The following LEO1 variants were observed in gnomAD, a reference collection of about 807,000 sequenced individuals.
LEO1 encodes the protein LEO1 component of Paf1/RNA polymerase II complex, also known as RNA polymerase-associated protein LEO1.
LEO1 carries 34 observed loss-of-function variants against 80.4 expected under a neutral mutation model. The observed-to-expected ratio is 0.42, with a 90% CI of 0.32 to 0.56. The LOEUF (loss-of-function observed/expected upper bound fraction) is 0.56, where lower values mean the gene tolerates loss of function less well. Ranked by LOEUF, LEO1 falls within the 20% of genes least tolerant of loss-of-function variation. The pLI, the probability that LEO1 is intolerant of heterozygous loss-of-function variation, is 0.10. For synonymous variants in LEO1, 262 were observed against 274.9 expected, an observed-to-expected ratio of 0.95 and a Z score of 0.46; for missense variants, 631 against 814.2, an observed-to-expected ratio of 0.77 and a Z score of 2.74.
chr15:51,938,274 AT>A lies in LEO1; in HGVS notation c.1897-15del. ...AGGTTCACCTTCCTAAACAGATACAATTTTTACAAATCTACAAGTCAATAAA... is the reference window on the plus strand; with the variant it reads ...AGGTTCACCTTCCTAAACAGATACAATTTTACAAATCTACAAGTCAATAAA... On this transcript the variant is annotated splice_polypyrimidine_tract_variant and intron_variant, in intron 11 of 11. Transcript: ENST00000299601. 1 of 1,444,384 alleles carries A rather than the reference AT, an allele frequency of 6.9e-7. No individual in the cohort carries two copies. The highest frequency in any genetic ancestry group is 9.6e-7 in the Non-Finnish European group (1 of 1,042,848). The allele number at this position is 1,444,384 out of a possible 1,614,324, so 89.5% of individuals were successfully genotyped here. A position where few individuals can be genotyped will look rare whatever the true frequency, so the allele number is the denominator to read the frequency against.
chr15:51,949,996 T>C lies in LEO1; in HGVS notation c.1612-2A>G. 6.2e-7 allele frequency: 1 copy of C among 1,608,236 alleles called. No individual in the cohort carries two copies. Reference sequence around the variant, plus strand: ...AGCCCTCAAACGTTCTTCTTCTTTCTGTAAAGAAGCAAATAACCTCTTTAA... The same window carrying C: ...AGCCCTCAAACGTTCTTCTTCTTTCCGTAAAGAAGCAAATAACCTCTTTAA... On this transcript the variant is annotated splice_acceptor_variant, in intron 9 of 11. Coordinates refer to ENST00000299601, the MANE Select transcript of LEO1 (RefSeq NM_138792.4). LOFTEE classifies it high-confidence loss of function.
Position 51,949,798 on chromosome 15 carries a change from C to T in LEO1, c.1798+10G>A, listed in dbSNP as rs1302660062. On this transcript the variant is annotated intron_variant, in intron 10 of 11. Transcript: ENST00000299601. ...GAAATGATGAAATGTAATTTCCATACACGACTCACCTCGAATGCCCCCTTT... is the reference window on the plus strand; with the variant it reads ...GAAATGATGAAATGTAATTTCCATATACGACTCACCTCGAATGCCCCCTTT... 2.5e-6 allele frequency: 4 copies of T among 1,609,326 alleles called. No individual in the cohort carries two copies. Among genetic ancestry groups the T allele is most frequent in the Non-Finnish European group, 3.4e-6 (4 of 1,177,538 alleles).
chr15:51,952,690 C>T (rs749325318), intron 8 of LEO1, among the ~76,000 whole-genome samples: 8 of 152,108 alleles, frequency 5.3e-5, no homozygotes, highest in African/African-American at 7.2e-5. Flanking sequence ...TATTAGATGC[C>T]GGGGCCTACG....
At chr15:51,946,560 CTT>C (rs879299783) in intron 11 of LEO1, among the ~76,000 whole-genome samples, 9 of 144,840 alleles carry the variant, frequency 6.2e-5, no homozygotes, top group African/African-American at 5.0e-5. Flanking sequence ...AAATCATTTT[CTT>C]TTTTTTTTTT....
intron 4 of LEO1, 63 bp downstream of exon 4, chr15:51,960,576 G>C (rs1342462461): frequency 1.0e-5 from 9 of 873,562 alleles, no homozygotes; most frequent in Admixed American, 1.8e-5. Flanking sequence ...GAATAAGGGA[G>C]ACTCTTCACC....
At chr15:51,946,799 C>T (rs2056905512) in intron 11 of LEO1, among the ~76,000 whole-genome samples, 1 of 152,064 alleles carries the variant, frequency 6.6e-6, no homozygotes, top group South Asian at 2.1e-4. Context: ...GCCTAGCCCT[C>T]CCAGAATACT....
At position 51,971,537 on chromosome 15, in the gene LEO1, G is replaced by A. The variant is rs567930037; in HGVS notation, c.58+151C>T. On this transcript the variant is annotated intron_variant, in intron 1 of 11. Coordinates refer to ENST00000299601, the MANE Select transcript of LEO1 (RefSeq NM_138792.4). ...TGACTCTCCATCCTGCCCGCCGGAG[G>A]AGGATGGCACCTCCGGGAGTGCAGG... 46 of 727,762 alleles carry A rather than the reference G, an allele frequency of 6.3e-5. No homozygotes were observed. The African/African-American group carries it at 7.1e-4, about 11-fold the overall frequency. The allele number at this position is 727,762 out of a possible 1,614,324, so 45.1% of individuals were successfully genotyped here. A position where few individuals can be genotyped will look rare whatever the true frequency, so the allele number is the denominator to read the frequency against.
chr15:51,967,867 A>G (rs2057090515), intron 1 of LEO1, among the ~76,000 whole-genome samples: 1 of 152,190 alleles, frequency 6.6e-6, no homozygotes, highest in African/African-American at 2.4e-5. Flanking sequence ...AAAATGAAAA[A>G]CTTTTGTGCA....
Position 51,962,380 on chromosome 15 carries a change from T to A in LEO1, c.919+9A>T. ...GGAAATATACATATATATATAATAATAGGGATACCTTTTGGCACCTCAGTG... is the reference window on the plus strand; with the variant it reads ...GGAAATATACATATATATATAATAAAAGGGATACCTTTTGGCACCTCAGTG... On this transcript the variant is annotated intron_variant, in intron 3 of 11. Coordinates refer to ENST00000299601, the MANE Select transcript of LEO1 (RefSeq NM_138792.4). 9 of 1,539,412 alleles carry A rather than the reference T, an allele frequency of 5.8e-6. No individual in the cohort carries two copies. Among genetic ancestry groups the A allele is most frequent in the Non-Finnish European group, 6.3e-6 (7 of 1,115,694 alleles).
At position 51,938,139 on chromosome 15, in the gene LEO1, T is replaced by C. The variant is rs751629805; in HGVS notation, c.*17A>G. On this transcript the variant is annotated 3_prime_UTR_variant, in exon 12 of 12. Coordinates refer to ENST00000299601, the MANE Select transcript of LEO1 (RefSeq NM_138792.4). ...ACTGTACAATAAAATATATAAAATG[T>C]TTTCATATTTCATACTTCAATCATC... The C allele has an allele frequency of 1.5e-5, 19 of 1,303,092 alleles. No homozygotes were observed. In the East Asian group the frequency reaches 4.2e-4, roughly 29 times the overall value. The allele number at this position is 1,303,092 out of a possible 1,614,324, so 80.7% of individuals were successfully genotyped here.
intron 10 of LEO1, among the ~76,000 whole-genome samples, chr15:51,947,948 G>A (rs1357357656): frequency 6.6e-6 from 1 of 152,154 alleles, no homozygotes; most frequent in Non-Finnish European, 1.5e-5. Flanking sequence ...TTGTGTGCAA[G>A]GTGTCTAAAG....
At chr15:51,953,545 G>A (rs1234932958) in intron 7 of LEO1, among the ~76,000 whole-genome samples, 4 of 152,064 alleles carry the variant, frequency 2.6e-5, no homozygotes, top group East Asian at 1.9e-4. Context: ...GCTTGAACCC[G>A]GGAAGTGGAG....
In LEO1 at chr15:51,947,318, T is replaced by C; in HGVS notation, c.1870A>G (p.Lys624Glu). The stretch of plus-strand genomic sequence containing the variant: ...TCATCACTGGTAAGTTTCTTTGCTT[T>C]GAGTAATCTTTGAGCTTTATCTTCT... Reference protein sequence around the residue: ...SEEDKAQRLLKAKKLTSDEEG... With the variant: ...SEEDKAQRLLEAKKLTSDEEG... The change falls in exon 11 of 12, where the codon AAA becomes GAA. Residue 624 changes from lysine to glutamate, a missense_variant. By Grantham distance (56) the Lys-to-Glu change is moderately conservative (BLOSUM62 1). Around this residue, in one of 4 missense-constraint regions of LEO1, gnomAD observed 117 missense variants for 163.5 expected, o/e 0.72. Coordinates refer to ENST00000299601, the MANE Select transcript of LEO1 (RefSeq NM_138792.4). The C allele has an allele frequency of 6.2e-7, 1 of 1,613,530 alleles. No individual in the cohort carries two copies. The highest frequency in any genetic ancestry group is 8.5e-7 in the Non-Finnish European group (1 of 1,179,422).
intron 1 of LEO1, among the ~76,000 whole-genome samples, chr15:51,969,736 G>A (rs1232422419): frequency 2.0e-5 from 3 of 151,696 alleles, no homozygotes; most frequent in Non-Finnish European, 4.4e-5. Flanking sequence ...CAGCTACTCG[G>A]GAGGTTAAGG....
intron 6 of LEO1, among the ~76,000 whole-genome samples, chr15:51,956,616 G>A (rs980099516): frequency 2.6e-5 from 4 of 152,092 alleles, no homozygotes; most frequent in African/African-American, 9.7e-5. Context: ...AGGTACATAA[G>A]CTGTACCTGG....
rs555825220 is a variant in LEO1 at position 51,971,505 on chromosome 15, G to A, written c.58+183C>T. ...CCGACACCCAGAGCCTCGAGGCGCA[G>A]ACTGTCTGACTCTCCATCCTGCCCG... On this transcript the variant is annotated intron_variant, in intron 1 of 11. Transcript: ENST00000299601. 2.0e-5 allele frequency among the ~76,000 whole-genome samples: 3 copies of A among 152,280 alleles called. No individual in the cohort carries two copies. In the East Asian group the frequency reaches 5.8e-4, roughly 29 times the overall value.
chr15:51,952,088 G>GAAAAAAA, intron 8 of LEO1, 109 bp from the exon 9 acceptor site: 1 of 901,492 alleles, frequency 1.1e-6, no homozygotes, highest in African/African-American at 1.7e-5. Context: ...CTAGTCACCT[G>GAAAAAAA]AAAAAATAGG....
Position 51,958,796 on chromosome 15 carries a change from T to C in LEO1, c.1191A>G (p.Glu397=). The part of the protein sequence containing the change: ...RPFDPQYYED[E]FEDEEMLDEE... The stretch of plus-strand genomic sequence containing the variant: ...CATCCAGCATTTCTTCATCTTCAAA[T>C]TCATCTTCATAATACTGAGGATCAA... Residue 397 remains glutamate (E), a synonymous_variant, in exon 6 of 12, where the codon GAA becomes GAG. Transcript: ENST00000299601. 6.3e-7 allele frequency: 1 copy of C among 1,594,844 alleles called. No homozygotes were observed. The highest frequency in any genetic ancestry group is 8.6e-7 in the Non-Finnish European group (1 of 1,167,816).
At chr15:51,959,700 TA>T (rs1183333209) in intron 5 of LEO1, among the ~76,000 whole-genome samples, 198 bp downstream of exon 5, 1 of 152,204 alleles carries the variant, frequency 6.6e-6, no homozygotes. Flanking sequence ...ATCAAACTGC[TA>T]AAAACAATCA....
Sources: allele counts gnomAD v4.1 joint callset (sites outside exome capture counted in the v4.1 genomes callset), GRCh38; gene constraint gnomAD v4.1.1; regional missense constraint gnomAD v4.1.1; transcripts MANE v1.5; gene names NCBI Gene and HGNC (gene_info 2026-07-23, HGNC 2026-07-21).